Variants in COX15 observed in about 807,000 individuals in gnomAD.
COX15 encodes the protein cytochrome c oxidase assembly factor COX15.
A neutral mutation model predicts 51.9 loss-of-function variants in COX15; 51 were observed. That is an observed-to-expected ratio of 0.98 (90% CI 0.78 to 1.24). The LOEUF is 1.24. Ranked by LOEUF, COX15 falls within the 50% of genes most tolerant of loss-of-function variation. The pLI, the probability that COX15 is intolerant of heterozygous loss-of-function variation, is 0.00. For synonymous variants in COX15, 188 were observed against 190.5 expected (o/e 0.99, Z 0.11); for missense variants, 420 against 501.1 (o/e 0.84, Z 1.55).
In COX15 at chr10:99,729,676, G is replaced by C; in HGVS notation, c.149C>G (p.Ala50Gly). 5 of 1,614,142 alleles carry C rather than the reference G, an allele frequency of 3.1e-6. No individual in the cohort carries two copies. Among genetic ancestry groups the C allele is most frequent in the Non-Finnish European group, 4.2e-6 (5 of 1,180,030 alleles). ...CACTGTACCCCTTCCAGATTGCAAA[G>C]CTACTTCAGAGATGGTGCTGTATTG... ...PGQYSTISEV[A>G]LQSGRGTVSL... Residue 50 changes from alanine (A) to glycine (G), a missense_variant, in exon 2 of 9, where the codon GCT (alanine) becomes GGT (glycine). By Grantham distance (60) the Ala-to-Gly change is moderately conservative (BLOSUM62 0). Transcript: ENST00000016171.
chr10:99,718,582 T>C (rs2036649768), intron 6 of COX15, 82 bp from the exon 7 acceptor site: 1 of 1,432,966 alleles, frequency 7.0e-7, no homozygotes, highest in Non-Finnish European at 9.8e-7. Flanking sequence ...AAAAGTCTGT[T>C]ATCCCAGAGT....
At position 99,713,835 on chromosome 10, in the gene COX15, G is replaced by T; in HGVS notation, c.*752C>A. 2.6e-6 allele frequency: 1 copy of T among 391,504 alleles called. No homozygotes were observed. Among genetic ancestry groups the T allele is most frequent in the Non-Finnish European group, 4.1e-6 (1 of 241,376 alleles). The allele number at this position is 391,504 out of a possible 1,614,324, so 24.3% of individuals were successfully genotyped here. ...AAATACAAAATTAGCCAGGCATGGTGACTTGTGCCTGTAGTCCCAGCTACT... is the reference window on the plus strand; with the variant it reads ...AAATACAAAATTAGCCAGGCATGGTTACTTGTGCCTGTAGTCCCAGCTACT... On this transcript the variant is annotated 3_prime_UTR_variant, in exon 9 of 9. Transcript: ENST00000016171.
rs1382220624 is a variant in COX15, at chr10:99,714,193, T to C, written c.*394A>G. The C allele has an allele frequency of 1.9e-6, 2 of 1,064,190 alleles. No individual in the cohort carries two copies. The highest frequency in any genetic ancestry group is 3.4e-5 in the African/African-American group (2 of 59,438). The allele number at this position is 1,064,190 out of a possible 1,614,324, so 65.9% of individuals were successfully genotyped here. On this transcript the variant is annotated 3_prime_UTR_variant, in exon 9 of 9. Coordinates refer to ENST00000016171, the MANE Select transcript of COX15 (RefSeq NM_078470.6). Reference sequence around the variant, plus strand: ...CCTTTCAATCTTCACCTAATGGAAGTGAAGTTAAGATCATAAAGAAATTCT... The same window carrying C: ...CCTTTCAATCTTCACCTAATGGAAGCGAAGTTAAGATCATAAAGAAATTCT...
the COX15 span, among the ~76,000 whole-genome samples, chr10:99,694,295 G>A: frequency 2.6e-5 from 4 of 152,146 alleles, no homozygotes; most frequent in East Asian, 7.7e-4. Context: ...ACAATATGTG[G>A]TGTTTTATGT....
chr10:99,698,127 A>T, the COX15 span, among the ~76,000 whole-genome samples: 1 of 152,132 alleles, frequency 6.6e-6, no homozygotes, highest in Non-Finnish European at 1.5e-5. Context: ...TCTGCTCTTC[A>T]GGAATCTCTC....
chr10:99,714,543 C>G lies in COX15; in HGVS notation c.*44G>C. Reference sequence around the variant, plus strand: ...CCAAGTTCTTATGATCTCTGAAGAGCTCTCAAAAGCAGTCACAGTCCCAGG... The same window carrying G: ...CCAAGTTCTTATGATCTCTGAAGAGGTCTCAAAAGCAGTCACAGTCCCAGG... On this transcript the variant is annotated 3_prime_UTR_variant, in exon 9 of 9. Coordinates refer to ENST00000016171, the MANE Select transcript of COX15 (RefSeq NM_078470.6). 6 of 1,613,386 alleles carry G rather than the reference C, an allele frequency of 3.7e-6. No individual in the cohort carries two copies. The highest frequency in any genetic ancestry group is 4.2e-6 in the Non-Finnish European group (5 of 1,179,742).
At chr10:99,709,103 A>T (rs1201603586), downstream of COX15, 3 of 981,874 alleles carry the variant, frequency 3.1e-6, no homozygotes, top group Non-Finnish European at 3.6e-6. Context: ...AAACAATTTT[A>T]TACAATTTCC....
Position 99,712,090 on chromosome 10 carries a change from G to T in COX15, c.*2497C>A. ...AGAACTCACTCATTACTATGGGGAT[G>T]GCACAAAGTCATACATAAGGGATCC... On this transcript the variant is annotated 3_prime_UTR_variant, in exon 9 of 9. Coordinates refer to ENST00000016171, the MANE Select transcript of COX15 (RefSeq NM_078470.6). The T allele has an allele frequency of 2.7e-6, 1 of 368,004 alleles. No homozygotes were observed. Among genetic ancestry groups the T allele is most frequent in the Non-Finnish European group, 3.8e-6 (1 of 265,894 alleles). The allele number at this position is 368,004 out of a possible 1,614,324, so 22.8% of individuals were successfully genotyped here.
In COX15 at chr10:99,712,778, G is replaced by T; in HGVS notation, c.*1809C>A. The T allele has an allele frequency of 2.9e-6, 1 of 344,208 alleles. No homozygotes were observed. The highest frequency in any genetic ancestry group is 4.1e-6 in the Non-Finnish European group (1 of 243,460). 21.3% of individuals were successfully genotyped at this position (344,208 alleles called of 1,614,324 possible). A position where few individuals can be genotyped will look rare whatever the true frequency, so the allele number is the denominator to read the frequency against. ...ATCAGCCTGACCCCAGTGAGCATTT[G>T]ATTTGGTCTACCCTACTCTTGCCTT... is the stretch of plus-strand genomic sequence containing the variant. On this transcript the variant is annotated 3_prime_UTR_variant, in exon 9 of 9. Coordinates refer to ENST00000016171, the MANE Select transcript of COX15 (RefSeq NM_078470.6).
At chr10:99,702,743 CTTTCT>C in the COX15 span, 2 of 1,397,780 alleles carry the variant, frequency 1.4e-6, no homozygotes, top group Non-Finnish European at 1.9e-6. Flanking sequence ...GAATCGGTTT[CTTTCT>C]TTTTTTTTTT....
At chr10:99,696,157 T>C in the COX15 span, 12 of 1,606,994 alleles carry the variant, frequency 7.5e-6, no homozygotes, top group Admixed American at 1.7e-5. Flanking sequence ...TTCTGAAATA[T>C]AATGTCAGGC....
chr10:99,695,961 A>G, the COX15 span: 1 of 1,612,522 alleles, frequency 6.2e-7, no homozygotes, highest in South Asian at 1.1e-5. Context: ...TATAGGAAGA[A>G]GCTGCCAAGA....
chr10:99,703,225 A>G, the COX15 span, among the ~76,000 whole-genome samples: 1 of 99,988 alleles, frequency 1.0e-5, no homozygotes, highest in African/African-American at 4.2e-5. Context: ...GTACTGTCAG[A>G]TATTTGGGAC....
At chr10:99,708,427 G>C (rs1004896921), downstream of COX15, among the ~76,000 whole-genome samples, 1 of 152,122 alleles carries the variant, frequency 6.6e-6, no homozygotes, top group African/African-American at 2.4e-5. Flanking sequence ...TAGGCTTAAC[G>C]AATAGCAGAC....
chr10:99,712,540 A>C lies in COX15; in HGVS notation c.*2047T>G. On this transcript the variant is annotated 3_prime_UTR_variant, in exon 9 of 9. Transcript: ENST00000016171. The stretch of plus-strand genomic sequence containing the variant: ...AAATGAGGTCAAGGATGAAATCCAG[A>C]TGTTCTTCCTTTGTATTTGTATTGT... The C allele has an allele frequency of 1.0e-6, 1 of 985,136 alleles. No individual in the cohort carries two copies. Among genetic ancestry groups the C allele is most frequent in the South Asian group, 4.7e-5 (1 of 21,284 alleles). 61.0% of individuals were successfully genotyped at this position (985,136 alleles called of 1,614,324 possible).
the COX15 span, chr10:99,704,582 C>T: frequency 6.2e-7 from 1 of 1,614,216 alleles, no homozygotes; most frequent in South Asian, 1.1e-5. Context: ...CCTTCTGCGG[C>T]TACGCCGAAT....
At chr10:99,721,833 G>A (rs1460452605) in intron 5 of COX15, among the ~76,000 whole-genome samples, 1 of 151,744 alleles carries the variant, frequency 6.6e-6, no homozygotes, top group Non-Finnish European at 1.5e-5. Flanking sequence ...TAAATATAAA[G>A]TTTAAATAAA....
Position 99,713,604 on chromosome 10 carries a change from A to C in COX15, c.*983T>G. Reference sequence around the variant, plus strand: ...TTTCTTATTACAAAGCTGTTAGGAAACCCTCTCAGGAACCAATTTATACTG... The same window carrying C: ...TTTCTTATTACAAAGCTGTTAGGAACCCCTCTCAGGAACCAATTTATACTG... On this transcript the variant is annotated 3_prime_UTR_variant, in exon 9 of 9. Transcript: ENST00000016171. 7.0e-7 allele frequency: 1 copy of C among 1,434,882 alleles called. No individual in the cohort carries two copies. Among genetic ancestry groups the C allele is most frequent in the Non-Finnish European group, 9.5e-7 (1 of 1,058,056 alleles). 88.9% of individuals were successfully genotyped at this position (1,434,882 alleles called of 1,614,324 possible).
At chr10:99,699,254 C>T in the COX15 span, among the ~76,000 whole-genome samples, 2 of 152,168 alleles carry the variant, frequency 1.3e-5, no homozygotes, top group African/African-American at 4.8e-5. Flanking sequence ...ATGATATCAC[C>T]CAGAGGGGCA....
Sources: allele counts gnomAD v4.1 joint callset (sites outside exome capture counted in the v4.1 genomes callset), GRCh38; gene constraint gnomAD v4.1.1; transcripts MANE v1.5; gene names NCBI Gene and HGNC (gene_info 2026-07-23, HGNC 2026-07-21).